Variants in RBFOX1 observed in about 807,000 individuals in gnomAD.
RBFOX1 encodes the protein RNA binding fox-1 homolog 1.
A neutral mutation model predicts 57.7 loss-of-function variants in RBFOX1; 8 were observed. The observed-to-expected ratio is 0.14, with a 90% CI of 0.08 to 0.25. The LOEUF (loss-of-function observed/expected upper bound fraction) is 0.25. Ranked by LOEUF, RBFOX1 falls within the 10% of genes least tolerant of loss-of-function variation. The pLI, the probability that RBFOX1 is intolerant of heterozygous loss-of-function variation, is 1.00. For synonymous variants in RBFOX1, 326 were observed against 222.4 expected (o/e 1.47, Z -4.15); for missense variants, 611 against 548.5 (o/e 1.11, Z -1.14).
chr16:5,607,295 C>A (rs1029831924), intron 3 of RBFOX1, among the ~76,000 whole-genome samples: 4 of 152,164 alleles, frequency 2.6e-5, no homozygotes, highest in African/African-American at 9.7e-5. Flanking sequence ...TAAATTCTTT[C>A]CCTTCAAAAT....
intron 4 of RBFOX1, among the ~76,000 whole-genome samples, chr16:7,098,400 C>T (rs1278195620): frequency 6.6e-6 from 1 of 152,140 alleles, no homozygotes; most frequent in East Asian, 1.9e-4. Context: ...AAACTCCTGA[C>T]CTCAAGTGAT....
At chr16:5,975,287 T>A (rs371485787) in intron 4 of RBFOX1, among the ~76,000 whole-genome samples, 2 of 152,206 alleles carry the variant, frequency 1.3e-5, no homozygotes, top group East Asian at 3.9e-4. Context: ...CATGCCTCCA[T>A]TGCAGTATGT....
At chr16:6,406,578 ATT>A (rs112009529) in intron 2 of RBFOX1, among the ~76,000 whole-genome samples, 8,005 of 140,768 alleles carry the variant, frequency 0.057, 706 homozygotes, top group African/African-American at 0.19. Context: ...GAAGTCGAAC[ATT>A]TTTTTTTTTT....
Position 6,761,500 on chromosome 16 carries a change from C to CTTTTTTTTTTTTTTTT in RBFOX1, c.-16+106860_-16+106875dup, listed in dbSNP as rs869243278. ...AATAGTTTTCCTTTCTCCCAATCTC[C>CTTTTTTTTTTTTTTTT]TTTTTTTTTTTTTTTTTTTTTTTTT... On this transcript the variant is annotated intron_variant, in intron 3 of 15. Coordinates refer to ENST00000550418, the MANE Select transcript of RBFOX1 (RefSeq NM_018723.4). Among the ~76,000 whole-genome samples, 8 of 60,156 alleles carry CTTTTTTTTTTTTTTTT rather than the reference C, an allele frequency of 1.3e-4. 2 individuals are homozygous for CTTTTTTTTTTTTTTTT. The highest frequency in any genetic ancestry group is 1.9e-4 in the Non-Finnish European group (7 of 35,944). The allele number at this position is 60,156 out of a possible 152,430, so 39.5% of individuals were successfully genotyped here.
intron 3 of RBFOX1, among the ~76,000 whole-genome samples, chr16:5,707,000 T>G (rs2051274893): frequency 6.6e-6 from 1 of 152,164 alleles, no homozygotes; most frequent in Non-Finnish European, 1.5e-5. Flanking sequence ...AGCAATTATT[T>G]GTCTGAATGC....
At chr16:5,641,772 C>A (rs2048883692) in intron 3 of RBFOX1, among the ~76,000 whole-genome samples, 1 of 152,136 alleles carries the variant, frequency 6.6e-6, no homozygotes, top group South Asian at 2.1e-4. Context: ...CTTGGAGAGC[C>A]ATGAAGACCA....
intron 5 of RBFOX1, among the ~76,000 whole-genome samples, chr16:7,572,679 A>G (rs966714533): frequency 1.3e-5 from 2 of 152,064 alleles, no homozygotes; most frequent in African/African-American, 2.4e-5. Context: ...CTCTACTAAA[A>G]ATACAAAAAA....
intron 6 of RBFOX1, among the ~76,000 whole-genome samples, 162 bp downstream of exon 6, chr16:7,580,082 T>C (rs1297689854): frequency 6.6e-6 from 1 of 152,224 alleles, no homozygotes; most frequent in Non-Finnish European, 1.5e-5. Context: ...AGAATCTCTT[T>C]ATGGTTTTAG....
chr16:5,422,116 A>G (rs1247649568), intron 1 of RBFOX1, among the ~76,000 whole-genome samples: 1 of 152,158 alleles, frequency 6.6e-6, no homozygotes, highest in Non-Finnish European at 1.5e-5. Flanking sequence ...ATGCGAATAA[A>G]AGTACTAGTA....
At chr16:7,122,788 G>A (rs2067491705) in intron 4 of RBFOX1, among the ~76,000 whole-genome samples, 1 of 152,074 alleles carries the variant, frequency 6.6e-6, no homozygotes, top group East Asian at 1.9e-4. Context: ...CTCTACCATA[G>A]CCCCCTAGAA....
At chr16:6,498,992 A>G (rs1422725627) in intron 2 of RBFOX1, among the ~76,000 whole-genome samples, 1 of 152,228 alleles carries the variant, frequency 6.6e-6, no homozygotes, top group East Asian at 1.9e-4. Context: ...GGTTAATGCA[A>G]CAGTGAAAAT....
intron 4 of RBFOX1, among the ~76,000 whole-genome samples, chr16:7,259,508 CT>C (rs1465518528): frequency 1.3e-5 from 2 of 151,394 alleles, no homozygotes; most frequent in Non-Finnish European, 2.9e-5. Context: ...GCTTTGAACA[CT>C]GGGAACATCA....
chr16:6,551,073 G>A (rs2096980932), intron 2 of RBFOX1, among the ~76,000 whole-genome samples: 1 of 152,152 alleles, frequency 6.6e-6, no homozygotes, highest in African/African-American at 2.4e-5. Context: ...TTTGCCTCCT[G>A]GACCCATTTT....
At chr16:5,740,053 C>A (rs920125888) in intron 3 of RBFOX1, among the ~76,000 whole-genome samples, 4 of 152,118 alleles carry the variant, frequency 2.6e-5, no homozygotes, top group African/African-American at 9.7e-5. Flanking sequence ...TGGTATTTTT[C>A]CACAGCAAAC....
chr16:7,500,785 T>G (rs2070505880), intron 4 of RBFOX1, among the ~76,000 whole-genome samples: 1 of 152,196 alleles, frequency 6.6e-6, no homozygotes, highest in Admixed American at 6.5e-5. Flanking sequence ...ATGATATGGT[T>G]TGTCAGTGTC....
chr16:5,316,877 C>T (rs1393462855), intron 1 of RBFOX1, among the ~76,000 whole-genome samples: 4 of 152,118 alleles, frequency 2.6e-5, no homozygotes, highest in African/African-American at 9.7e-5. Flanking sequence ...GGGAAGATTC[C>T]TCCTTTATAT....
chr16:7,323,155 G>A (rs2143249360), intron 4 of RBFOX1, among the ~76,000 whole-genome samples: 1 of 152,312 alleles, frequency 6.6e-6, no homozygotes, highest in African/African-American at 2.4e-5. Flanking sequence ...CTGGGCACAT[G>A]GCTCATGCCT....
chr16:6,171,525 C>G (rs556599704), intron 1 of RBFOX1, among the ~76,000 whole-genome samples: 1 of 152,276 alleles, frequency 6.6e-6, no homozygotes, highest in South Asian at 2.1e-4. Context: ...GGCTCATTGG[C>G]TTGTTGGACC....
In RBFOX1 at chr16:6,361,106, C is replaced by T. The variant is rs1020265668; in HGVS notation, c.-64+44049C>T. On this transcript the variant is annotated intron_variant, in intron 2 of 15. Transcript: ENST00000550418. ...TCTCAGCAATGCATTGCCACTTTCT[C>T]ATACATTACAAATATGTAATATGGG... Among the ~76,000 whole-genome samples, 4 of 152,116 alleles carry T rather than the reference C, an allele frequency of 2.6e-5. 1 individual carries two copies. The highest frequency in any genetic ancestry group is 9.7e-5 in the African/African-American group (4 of 41,402).
Sources: gnomAD v4.1 joint callset for allele counts (sites outside exome capture counted in the v4.1 genomes callset) on GRCh38, gnomAD v4.1.1 for gene constraint, MANE v1.5 for transcripts, NCBI Gene and HGNC (gene_info 2026-07-23, HGNC 2026-07-21) for gene names.